The following CTNND2 variants were observed in gnomAD, a reference collection of about 807,000 sequenced individuals.
CTNND2 encodes catenin delta 2, also known as catenin delta-2.
A neutral mutation model predicts 144.4 loss-of-function variants in CTNND2; 22 were observed. The observed-to-expected ratio is 0.15, with a 90% CI of 0.11 to 0.22. The LOEUF (loss-of-function observed/expected upper bound fraction) is 0.22, where lower values mean the gene tolerates loss of function less well. Ranked by LOEUF, CTNND2 falls within the 10% of genes least tolerant of loss-of-function variation. CTNND2 has a pLI of 1.00. For missense variants in CTNND2, 1,353 were observed against 1,618.8 expected (o/e 0.84, Z 2.82); for synonymous variants, 751 against 695.6 (o/e 1.08, Z -1.25).
chr5:11,035,512 A>G lies in CTNND2; in HGVS notation c.2789-12533T>C, dbSNP rs1743973477. Among the ~76,000 whole-genome samples the G allele has an allele frequency of 2.0e-5, 3 of 152,156 alleles. No individual in the cohort carries two copies. In the South Asian group the frequency reaches 6.2e-4, roughly 31 times the overall value. Reference sequence around the variant, plus strand: ...TGGGATAATCCAGGGTCTTCTTCCTATCTCAAGGTTAGCTGATTATAAACC... The same window carrying G: ...TGGGATAATCCAGGGTCTTCTTCCTGTCTCAAGGTTAGCTGATTATAAACC... On this transcript the variant is annotated intron_variant, in intron 16 of 21. Transcript: ENST00000304623.
chr5:11,014,611 GC>G (rs1741419344), intron 18 of CTNND2, among the ~76,000 whole-genome samples: 1 of 152,158 alleles, frequency 6.6e-6, no homozygotes, highest in South Asian at 2.1e-4. Flanking sequence ...ATACAAATAT[GC>G]TTTGGTTCCA....
chr5:11,085,254 G>A (rs576533876), intron 15 of CTNND2, among the ~76,000 whole-genome samples: 3 of 152,346 alleles, frequency 2.0e-5, no homozygotes, highest in South Asian at 4.1e-4. Context: ...CTGGTGAGCA[G>A]TGATGTGTTT....
chr5:11,772,399 A>C (rs1029827391), intron 1 of CTNND2, among the ~76,000 whole-genome samples: 8 of 152,280 alleles, frequency 5.3e-5, no homozygotes, highest in African/African-American at 1.7e-4. Flanking sequence ...AATAATATGA[A>C]ATTTAGATAG....
intron 3 of CTNND2, among the ~76,000 whole-genome samples, chr5:11,479,123 T>C (rs1319709973): frequency 6.6e-6 from 1 of 152,188 alleles, no homozygotes; most frequent in African/African-American, 2.4e-5. Context: ...CTATTACTTA[T>C]TTTTCCTGAT....
At chr5:11,739,497 G>T (rs1460286844) in intron 1 of CTNND2, among the ~76,000 whole-genome samples, 1 of 152,160 alleles carries the variant, frequency 6.6e-6, no homozygotes, top group African/African-American at 2.4e-5. Flanking sequence ...TGACATCTGG[G>T]CAGCTGAGCT....
At chr5:11,477,382 T>TG (rs1767849136) in intron 3 of CTNND2, among the ~76,000 whole-genome samples, 1 of 26,932 alleles carries the variant, frequency 3.7e-5, no homozygotes. Flanking sequence ...ACATCACCTA[T>TG]TTTTTTTTTT....
intron 1 of CTNND2, among the ~76,000 whole-genome samples, chr5:11,765,339 C>T (rs1789521022): frequency 6.6e-6 from 1 of 152,120 alleles, no homozygotes; most frequent in South Asian, 2.1e-4. Context: ...AGGGGCAGTC[C>T]CAACCACTGG....
At chr5:11,286,178 C>T (rs1747733405) in intron 9 of CTNND2, among the ~76,000 whole-genome samples, 2 of 151,734 alleles carry the variant, frequency 1.3e-5, no homozygotes, top group Admixed American at 1.3e-4. Flanking sequence ...CTATGAACTT[C>T]ATATAAGGAA....
intron 9 of CTNND2, among the ~76,000 whole-genome samples, chr5:11,279,508 C>A (rs32098): frequency 0.1 from 15,323 of 152,098 alleles, 879 homozygotes; most frequent in Admixed American, 0.17. Flanking sequence ...GATCTTACCC[C>A]CTGGAGTATA....
intron 2 of CTNND2, among the ~76,000 whole-genome samples, chr5:11,662,167 G>A (rs1292889724): frequency 1.2e-3 from 176 of 141,062 alleles, no homozygotes; most frequent in African/African-American, 4.5e-3. Context: ...GTGTATATAT[G>A]TGTATATATA....
At chr5:11,083,819 C>T (rs1258378102) in intron 15 of CTNND2, 2 of 950,824 alleles carry the variant, frequency 2.1e-6, no homozygotes, top group Non-Finnish European at 2.6e-6. Flanking sequence ...CCCAGTCCCC[C>T]CACCAGGCCA....
intron 11 of CTNND2, among the ~76,000 whole-genome samples, chr5:11,172,869 A>G (rs189350462): frequency 6.6e-6 from 1 of 152,172 alleles, no homozygotes; most frequent in African/African-American, 2.4e-5. Context: ...CACTGAATTC[A>G]CTCCCTGTGC....
intron 9 of CTNND2, among the ~76,000 whole-genome samples, chr5:11,307,621 C>CAATTTTCTAT (rs1750382214): frequency 6.6e-6 from 1 of 151,970 alleles, no homozygotes; most frequent in African/African-American, 2.4e-5. Context: ...GCTCATGAAA[C>CAATTTTCTAT]AATTTTCTAT....
At chr5:11,050,718 C>T (rs1227550108) in intron 16 of CTNND2, among the ~76,000 whole-genome samples, 1 of 152,194 alleles carries the variant, frequency 6.6e-6, no homozygotes, top group Non-Finnish European at 1.5e-5. Flanking sequence ...CACAGAAAGA[C>T]AGATTGCCAT....
intron 2 of CTNND2, among the ~76,000 whole-genome samples, chr5:11,630,395 C>T (rs1007788996): frequency 2.0e-5 from 3 of 152,172 alleles, no homozygotes; most frequent in Non-Finnish European, 2.9e-5. Context: ...GACTGATCAG[C>T]AAACACTGCA....
chr5:11,351,434 T>C (rs1755336017), intron 8 of CTNND2, among the ~76,000 whole-genome samples: 1 of 152,234 alleles, frequency 6.6e-6, no homozygotes, highest in Non-Finnish European at 1.5e-5. Flanking sequence ...GATACTTCAA[T>C]AGATACCTAC....
In CTNND2 at chr5:10,973,660, G is replaced by A. The variant is rs749374637; in HGVS notation, c.3471C>T (p.Tyr1157=). The A allele has an allele frequency of 1.9e-6, 3 of 1,613,720 alleles. No homozygotes were observed. The highest frequency in any genetic ancestry group is 2.5e-6 in the Non-Finnish European group (3 of 1,179,770). Reference sequence around the variant, plus strand: ...TTCTTGTGGAATTCTGAAATGGCTGGTAGGTCTCGTAATCTTTTCTGCTGG... The same window carrying A: ...TTCTTGTGGAATTCTGAAATGGCTGATAGGTCTCGTAATCTTTTCTGCTGG... ...QEPSRKDYET[Y]QPFQNSTRNY... Residue 1157 remains tyrosine (Y), a synonymous_variant, in exon 22 of 22, where the codon TAC becomes TAT. Coordinates refer to ENST00000304623, the MANE Select transcript of CTNND2 (RefSeq NM_001332.4). The surrounding 1 kb of genome is among the most constrained non-coding windows in gnomAD (Gnocchi z 5.6).
chr5:11,771,285 G>A (rs778405539), intron 1 of CTNND2, among the ~76,000 whole-genome samples: 7 of 135,924 alleles, frequency 5.1e-5, no homozygotes, highest in Non-Finnish European at 1.1e-4. Flanking sequence ...TCCACCTTCC[G>A]GCTAATTTTT....
Position 11,523,885 on chromosome 5 carries a change from C to T in CTNND2, c.287+41059G>A, listed in dbSNP as rs1243109881. On this transcript the variant is annotated intron_variant, in intron 3 of 21. Coordinates refer to ENST00000304623, the MANE Select transcript of CTNND2 (RefSeq NM_001332.4). ...GTGAAGCGGGTGCAGGGGGTCTGCA[C>T]GTCTCATTCTCTCCATCTATGGCCT... is the stretch of plus-strand genomic sequence containing the variant. 3.9e-5 allele frequency among the ~76,000 whole-genome samples: 6 copies of T among 152,288 alleles called. No individual in the cohort carries two copies. The South Asian group carries it at 1.0e-3, about 26-fold the overall frequency.
Sources: gnomAD v4.1 joint callset for allele counts (sites outside exome capture counted in the v4.1 genomes callset) on GRCh38, gnomAD v4.1.1 for gene constraint, Gnocchi (gnomAD v3.1) non-coding constraint, MANE v1.5 for transcripts, NCBI Gene and HGNC (gene_info 2026-07-23, HGNC 2026-07-21) for gene names.